The following NF1 variants were observed in gnomAD, a reference collection of about 807,000 sequenced individuals.
NF1 encodes the protein neurofibromin 1, also known as neurofibromin.
Under a neutral mutation model 325.7 loss-of-function variants are expected in NF1, and 122 were observed. That is an observed-to-expected ratio of 0.37 (90% CI 0.32 to 0.44). The LOEUF (loss-of-function observed/expected upper bound fraction) is 0.44, where lower values mean the gene tolerates loss of function less well. NF1 is among the 20% of genes least tolerant of loss of function. The pLI, the probability that NF1 is intolerant of heterozygous loss-of-function variation, is 1.00. For missense variants in NF1, 2,140 were observed against 3,415.4 expected, an observed-to-expected ratio of 0.63 and a Z score of 9.31; for synonymous variants, 1,091 against 1,186.0, an observed-to-expected ratio of 0.92 and a Z score of 1.65.
intron 38 of NF1, 24 bp downstream of exon 38, chr17:31,327,863 A>G (rs758036623): frequency 6.3e-7 from 1 of 1,598,932 alleles, no homozygotes; most frequent in Non-Finnish European, 8.6e-7. Flanking sequence ...AATTCTCTTC[A>G]GTTTGATTTG....
Position 31,338,092 on chromosome 17 carries a change from C to A in NF1, c.6772C>A (p.Arg2258=), listed in dbSNP as rs876658541. 1 of 1,613,886 alleles carries A rather than the reference C, an allele frequency of 6.2e-7. No individual in the cohort carries two copies. The highest frequency in any genetic ancestry group is 8.5e-7 in the Non-Finnish European group (1 of 1,179,856). Residue 2258 remains arginine, a synonymous_variant, in exon 45 of 58, where the codon CGA becomes AGA. Transcript: ENST00000358273. ...ALVVFGCISK[R]VSHGQIKQII... ...TGTTGTCTTTGGGTGTATTAGCAAA[C>A]GAGTGTCTCATGGGCAGATAAAGCA...
chr17:31,224,811 A>G (rs2066984626), intron 16 of NF1, among the ~76,000 whole-genome samples: 1 of 152,206 alleles, frequency 6.6e-6, no homozygotes, highest in African/African-American at 2.4e-5. Context: ...CAGTAGATTT[A>G]TATTGTTGAT....
At chr17:31,146,583 G>T (rs1461461258) in intron 1 of NF1, among the ~76,000 whole-genome samples, 1 of 152,226 alleles carries the variant, frequency 6.6e-6, no homozygotes, top group African/African-American at 2.4e-5. Flanking sequence ...TTTCAGAGAG[G>T]TTCTCTGGCT....
intron 51 of NF1, 48 bp downstream of exon 51, chr17:31,352,462 A>G: frequency 7.0e-7 from 1 of 1,438,704 alleles, no homozygotes; most frequent in Non-Finnish European, 9.3e-7. Context: ...TTAAAAAAAT[A>G]GATATTTTTA....
intron 4 of NF1, among the ~76,000 whole-genome samples, chr17:31,163,744 A>C (rs1416995800): frequency 6.6e-6 from 1 of 152,210 alleles, no homozygotes; most frequent in East Asian, 1.9e-4. Context: ...ACTAGGTATG[A>C]ACTTTTGGTT....
intron 17 of NF1, among the ~76,000 whole-genome samples, chr17:31,225,619 G>A (rs2067000042): frequency 6.6e-6 from 1 of 152,072 alleles, no homozygotes; most frequent in African/African-American, 2.4e-5. Context: ...GCTAACAAAG[G>A]TACAGATTTA....
At chr17:31,149,700 C>G (rs1342011380) in intron 1 of NF1, among the ~76,000 whole-genome samples, 2 of 152,072 alleles carry the variant, frequency 1.3e-5, no homozygotes, top group Non-Finnish European at 2.9e-5. Flanking sequence ...GTCCACTAAC[C>G]AGATCGTCCA....
chr17:31,287,599 A>T (rs1055225722), intron 36 of NF1, among the ~76,000 whole-genome samples: 3 of 147,702 alleles, frequency 2.0e-5, no homozygotes, highest in African/African-American at 7.8e-5. Flanking sequence ...TGGCTTTGTC[A>T]CCCAGGCTAG....
chr17:31,204,336 T>C (rs547348021), intron 11 of NF1, among the ~76,000 whole-genome samples: 27 of 152,126 alleles, frequency 1.8e-4, no homozygotes, highest in Non-Finnish European at 3.1e-4. Context: ...TTCCAAGGCA[T>C]TTGAAAATTA....
At chr17:31,339,023 G>T (rs1366184860) in intron 46 of NF1, among the ~76,000 whole-genome samples, 1 of 152,062 alleles carries the variant, frequency 6.6e-6, no homozygotes, top group Non-Finnish European at 1.5e-5. Flanking sequence ...TAAGTTTTTG[G>T]TCTCATCAGT....
At chr17:31,304,099 T>TA in intron 36 of NF1, 2 of 604,674 alleles carry the variant, frequency 3.3e-6, no homozygotes, top group South Asian at 2.8e-5. Flanking sequence ...ATAACTTTTT[T>TA]TAAAAAAAAG....
At chr17:31,132,918 C>T (rs549688954) in intron 1 of NF1, among the ~76,000 whole-genome samples, 4 of 152,246 alleles carry the variant, frequency 2.6e-5, no homozygotes, top group Admixed American at 6.5e-5. Flanking sequence ...CCACCTGCTT[C>T]GGCCTCCCAA....
intron 30 of NF1, chr17:31,250,644 AAGGAAC>A (rs2067478726): frequency 5.1e-6 from 1 of 194,566 alleles, no homozygotes; most frequent in African/African-American, 2.3e-5. Flanking sequence ...AATAATGTAA[AAGGAAC>A]AGGTCTTAGC....
chr17:31,246,076 C>T (rs1297612050), intron 29 of NF1, among the ~76,000 whole-genome samples: 1 of 152,176 alleles, frequency 6.6e-6, no homozygotes, highest in Non-Finnish European at 1.5e-5. Context: ...ATATTTATCA[C>T]AATACCCTTG....
rs71142019 is a variant in NF1, at chr17:31,121,395, CTT to C, written c.60+26048_60+26049del. Among the ~76,000 whole-genome samples the C allele has an allele frequency of 5.7e-3, 522 of 92,358 alleles. 1 individual carries two copies. Among genetic ancestry groups the C allele is most frequent in the African/African-American group, 8.2e-3 (183 of 22,382 alleles). The allele number at this position is 92,358 out of a possible 152,430, so 60.6% of individuals were successfully genotyped here. A position where few individuals can be genotyped will look rare whatever the true frequency, so the allele number is the denominator to read the frequency against. The stretch of plus-strand genomic sequence containing the variant: ...TCCCTTCTATGTGCAAATCACTATT[CTT>C]TTTTTTTTTTTTTTTTTTTTTGAGA... On this transcript the variant is annotated intron_variant, in intron 1 of 57. Coordinates refer to ENST00000358273, the MANE Select transcript of NF1 (RefSeq NM_001042492.3).
intron 36 of NF1, among the ~76,000 whole-genome samples, chr17:31,277,391 G>A (rs2068028985): frequency 6.6e-6 from 1 of 152,180 alleles, no homozygotes; most frequent in Admixed American, 6.5e-5. Flanking sequence ...CCAGAAGATG[G>A]TAAAACCATT....
At chr17:31,189,764 T>C (rs1935276772) in intron 8 of NF1, among the ~76,000 whole-genome samples, 1 of 149,844 alleles carries the variant, frequency 6.7e-6, no homozygotes, top group Admixed American at 6.6e-5. Flanking sequence ...AAGTATTTTT[T>C]TTTTTTTTTT....
At chr17:31,227,655 A>G (rs2151427783) in intron 20 of NF1, 49 bp downstream of exon 20, 1 of 1,460,986 alleles carries the variant, frequency 6.8e-7, no homozygotes, top group Non-Finnish European at 9.6e-7. Context: ...TGCTAAATAT[A>G]TGTACTTCAC....
intron 1 of NF1, among the ~76,000 whole-genome samples, chr17:31,097,505 C>T (rs941935986): frequency 6.6e-6 from 1 of 151,368 alleles, no homozygotes; most frequent in Non-Finnish European, 1.5e-5. Context: ...GATTATATAC[C>T]CAGTAAAGCA....
Sources: gnomAD v4.1 joint callset for allele counts (sites outside exome capture counted in the v4.1 genomes callset) on GRCh38, gnomAD v4.1.1 for gene constraint, MANE v1.5 for transcripts, NCBI Gene and HGNC (gene_info 2026-07-23, HGNC 2026-07-21) for gene names.